CNTNAP2: variants seen among roughly 807,000 people sequenced by gnomAD.
CNTNAP2 encodes the protein contactin associated protein 2.
Under a neutral mutation model 155.2 loss-of-function variants are expected in CNTNAP2, and 98 were observed. The observed-to-expected ratio is 0.63, with a 90% CI of 0.54 to 0.75. The LOEUF is 0.75. CNTNAP2 is among the 30% of genes least tolerant of loss of function. The probability of loss-of-function intolerance (pLI) is 0.00; values close to 1 mark genes in which losing one functional copy is unlikely to be tolerated. For missense variants in CNTNAP2, 1,727 were observed against 1,688.1 expected (o/e 1.02, Z -0.40); for synonymous variants, 651 against 631.2 (o/e 1.03, Z -0.47).
At chr7:148,102,492 T>C (rs776083407) in intron 15 of CNTNAP2, among the ~76,000 whole-genome samples, 6 of 152,236 alleles carry the variant, frequency 3.9e-5, no homozygotes, top group Non-Finnish European at 5.9e-5. Flanking sequence ...ATATACCCAG[T>C]AATGGGATTG....
intron 10 of CNTNAP2, among the ~76,000 whole-genome samples, chr7:147,467,016 C>T (rs567768960): frequency 6.6e-6 from 1 of 152,280 alleles, no homozygotes; most frequent in African/African-American, 2.4e-5. Context: ...CTTTTAGAAG[C>T]CATTTGTGTC....
chr7:146,745,445 G>C (rs1224325926), intron 1 of CNTNAP2, among the ~76,000 whole-genome samples: 1 of 152,084 alleles, frequency 6.6e-6, no homozygotes, highest in Admixed American at 6.6e-5. Flanking sequence ...TATAAACAAA[G>C]ACAAGATATA....
intron 1 of CNTNAP2, among the ~76,000 whole-genome samples, chr7:146,322,914 G>A (rs1801031450): frequency 6.6e-6 from 1 of 151,846 alleles, no homozygotes; most frequent in South Asian, 2.1e-4. Context: ...GAGCTGATGA[G>A]CATTAGAAAA....
At chr7:147,991,583 T>A (rs958288237) in intron 15 of CNTNAP2, among the ~76,000 whole-genome samples, 1 of 151,600 alleles carries the variant, frequency 6.6e-6, no homozygotes, top group Non-Finnish European at 1.5e-5. Context: ...AATTAAGGAT[T>A]AAAAAAAAAC....
rs989544341 is a variant in CNTNAP2 at position 146,983,335 on chromosome 7, G to A, written c.403-60572G>A. Among the ~76,000 whole-genome samples the A allele has an allele frequency of 5.8e-4, 88 of 152,074 alleles. 1 individual carries two copies. The highest frequency in any genetic ancestry group is 5.6e-3 in the Admixed American group (86 of 15,266). On this transcript the variant is annotated intron_variant, in intron 3 of 23. Coordinates refer to ENST00000361727, the MANE Select transcript of CNTNAP2 (RefSeq NM_014141.6). ...TCTTACCTAGAGGAAGAGTGCCAGT[G>A]TATATTCCCTAATCCTCTGCTCAGG... is the stretch of plus-strand genomic sequence containing the variant.
intron 21 of CNTNAP2, among the ~76,000 whole-genome samples, chr7:148,292,136 T>G (rs1223352633): frequency 6.6e-6 from 1 of 152,216 alleles, no homozygotes; most frequent in Non-Finnish European, 1.5e-5. Context: ...GTTCTGTTTT[T>G]TGTAAAAGAC....
intron 10 of CNTNAP2, among the ~76,000 whole-genome samples, chr7:147,440,111 T>C (rs1797612551): frequency 6.6e-6 from 1 of 152,032 alleles, no homozygotes; most frequent in Non-Finnish European, 1.5e-5. Context: ...TTGTTCTTTC[T>C]TTTTTGTTGT....
chr7:146,768,547 TG>T (rs1215996126), intron 1 of CNTNAP2, among the ~76,000 whole-genome samples: 1 of 151,774 alleles, frequency 6.6e-6, no homozygotes, highest in Non-Finnish European at 1.5e-5. Context: ...TCATAACACG[TG>T]ATGCAGGGTA....
intron 10 of CNTNAP2, among the ~76,000 whole-genome samples, chr7:147,401,641 TC>T (rs1796915144): frequency 6.6e-6 from 1 of 152,182 alleles, no homozygotes; most frequent in Admixed American, 6.5e-5. Flanking sequence ...TCACCATGTA[TC>T]AGGGAAGGGG....
intron 3 of CNTNAP2, among the ~76,000 whole-genome samples, chr7:147,026,427 T>C (rs1798920328): frequency 6.6e-6 from 1 of 152,192 alleles, no homozygotes. Flanking sequence ...AAAACATGAA[T>C]GACATATGCT....
intron 8 of CNTNAP2, among the ~76,000 whole-genome samples, chr7:147,294,911 C>A (rs767089499): frequency 6.6e-6 from 1 of 152,048 alleles, no homozygotes; most frequent in Non-Finnish European, 1.5e-5. Context: ...CCACCCGCCT[C>A]GGCCTCCCAT....
At chr7:146,683,832 T>C (rs1800547287) in intron 1 of CNTNAP2, among the ~76,000 whole-genome samples, 1 of 152,158 alleles carries the variant, frequency 6.6e-6, no homozygotes, top group African/African-American at 2.4e-5. Flanking sequence ...TGTTTCAAGG[T>C]ATGGTAAAAT....
At chr7:147,620,702 A>G (rs1028577777) in intron 12 of CNTNAP2, among the ~76,000 whole-genome samples, 2 of 152,040 alleles carry the variant, frequency 1.3e-5, no homozygotes, top group African/African-American at 4.8e-5. Flanking sequence ...AGTGAAAACA[A>G]GAGGAAATAA....
chr7:146,509,116 C>T (rs140808888), intron 1 of CNTNAP2, among the ~76,000 whole-genome samples: 1 of 152,294 alleles, frequency 6.6e-6, no homozygotes, highest in African/African-American at 2.4e-5. Flanking sequence ...CATCATCTGG[C>T]CCTCGGGTAT....
intron 3 of CNTNAP2, among the ~76,000 whole-genome samples, chr7:146,946,478 C>T (rs1797176454): frequency 6.6e-6 from 1 of 151,812 alleles, no homozygotes; most frequent in Admixed American, 6.6e-5. Context: ...GTATCCAAAA[C>T]AAAAATTTGA....
At chr7:146,781,200 C>T (rs1279015938) in intron 2 of CNTNAP2, among the ~76,000 whole-genome samples, 2 of 146,526 alleles carry the variant, frequency 1.4e-5, no homozygotes, top group Admixed American at 1.4e-4. Flanking sequence ...TACACTCCAG[C>T]CTGGGTGACA....
intron 3 of CNTNAP2, among the ~76,000 whole-genome samples, chr7:147,001,317 C>T (rs958435082): frequency 2.0e-5 from 3 of 151,932 alleles, no homozygotes; most frequent in Admixed American, 1.3e-4. Context: ...CAGTCTTGCT[C>T]GGCCCTCCTC....
At chr7:147,469,710 G>A (rs928009056) in intron 10 of CNTNAP2, among the ~76,000 whole-genome samples, 1 of 151,660 alleles carries the variant, frequency 6.6e-6, no homozygotes, top group Admixed American at 6.6e-5. Flanking sequence ...AGTGGAGACG[G>A]GGTTTCATCG....
chr7:147,480,242 A>G (rs1798397808), intron 10 of CNTNAP2, among the ~76,000 whole-genome samples: 1 of 152,244 alleles, frequency 6.6e-6, no homozygotes, highest in Admixed American at 6.5e-5. Context: ...GGCAATTTAT[A>G]CTGGAATAAT....
Sources: allele counts gnomAD v4.1 joint callset (sites outside exome capture counted in the v4.1 genomes callset), GRCh38; gene constraint gnomAD v4.1.1; transcripts MANE v1.5; gene names NCBI Gene and HGNC (gene_info 2026-07-23, HGNC 2026-07-21).